TSPAN12: variants seen among roughly 807,000 people sequenced by gnomAD.
TSPAN12 encodes the protein tetraspanin 12, also known as tetraspanin-12.
In TSPAN12, 19 loss-of-function variants were observed where a neutral mutation model predicts 39.2. The ratio of observed to expected loss-of-function variants is 0.49; its 90% CI spans 0.34 to 0.71. The LOEUF is 0.71. TSPAN12 is among the 30% of genes least tolerant of loss of function. TSPAN12 has a pLI of 0.01. For missense variants in TSPAN12, 314 were observed against 359.9 expected, an observed-to-expected ratio of 0.87 and a Z score of 1.03; for synonymous variants, 119 against 124.8, an observed-to-expected ratio of 0.95 and a Z score of 0.31.
In TSPAN12 at chr7:120,820,177, T is replaced by C. The variant is rs146890457; in HGVS notation, c.286-4374A>G. Among the ~76,000 whole-genome samples, 840 of 152,260 alleles carry C rather than the reference T, an allele frequency of 5.5e-3. 2 individuals are homozygous for C. The highest frequency in any genetic ancestry group is 0.031 in the Middle Eastern group (9 of 294). ...CCCTCTCTTCTCCTAGTGGGTTTTC[T>C]TTCTGGAATGATGAAAAGTGCTCTG... is the stretch of plus-strand genomic sequence containing the variant. On this transcript the variant is annotated intron_variant, in intron 4 of 7. Coordinates refer to ENST00000222747, the MANE Select transcript of TSPAN12 (RefSeq NM_012338.4).
At chr7:120,853,351 C>T (rs1794805590) in intron 2 of TSPAN12, among the ~76,000 whole-genome samples, 1 of 151,468 alleles carries the variant, frequency 6.6e-6, no homozygotes, top group Non-Finnish European at 1.5e-5. Flanking sequence ...CTTGGCCTCC[C>T]AAAGTGCTTG....
rs1793736306 is a variant in TSPAN12 at position 120,800,080 on chromosome 7, G to T, written c.612+6469C>A. 1.3e-5 allele frequency among the ~76,000 whole-genome samples: 2 copies of T among 151,614 alleles called. 1 individual carries two copies. The highest frequency in any genetic ancestry group is 4.1e-4 in the South Asian group (2 of 4,826). ...AAAAAGTGTTGAGAACTAAAATATTGCCCAGAAAAAATAATATTGGTTATA... is the reference window on the plus strand; with the variant it reads ...AAAAAGTGTTGAGAACTAAAATATTTCCCAGAAAAAATAATATTGGTTATA... On this transcript the variant is annotated intron_variant, in intron 7 of 7. Transcript: ENST00000222747.
chr7:120,853,597 G>A (rs1017854402), intron 2 of TSPAN12, among the ~76,000 whole-genome samples: 25 of 149,352 alleles, frequency 1.7e-4, no homozygotes, highest in African/African-American at 3.2e-4. Flanking sequence ...ATTACAGGCC[G>A]GGCACAGTGG....
At chr7:120,807,793 C>A (rs1478263081) in intron 6 of TSPAN12, among the ~76,000 whole-genome samples, 1 of 151,924 alleles carries the variant, frequency 6.6e-6, no homozygotes, top group African/African-American at 2.4e-5. Context: ...AAAAAAAAAT[C>A]ATCTTAAGAG....
At chr7:120,796,483 G>A (rs1288774672) in intron 7 of TSPAN12, among the ~76,000 whole-genome samples, 1 of 152,126 alleles carries the variant, frequency 6.6e-6, no homozygotes, top group Non-Finnish European at 1.5e-5. Context: ...GGCTACCACT[G>A]TGGTAAGTGG....
chr7:120,837,633 A>G (rs888183394), intron 4 of TSPAN12, among the ~76,000 whole-genome samples: 1 of 152,070 alleles, frequency 6.6e-6, no homozygotes, highest in African/African-American at 2.4e-5. Context: ...TATTTTCTAT[A>G]GCATTTTGTG....
chr7:120,853,219 G>A (rs972327628), intron 2 of TSPAN12, among the ~76,000 whole-genome samples: 2 of 151,224 alleles, frequency 1.3e-5, no homozygotes, highest in African/African-American at 4.9e-5. Context: ...TCAGCCTCCT[G>A]AGCAGCTGGA....
intron 2 of TSPAN12, among the ~76,000 whole-genome samples, chr7:120,848,355 C>T (rs771721399): frequency 2.0e-5 from 3 of 152,128 alleles, no homozygotes; most frequent in Non-Finnish European, 2.9e-5. Flanking sequence ...CAGAAAAGTA[C>T]CAGGCTCAGT....
chr7:120,826,634 C>T (rs907283111), intron 4 of TSPAN12, among the ~76,000 whole-genome samples: 4 of 152,164 alleles, frequency 2.6e-5, no homozygotes, highest in African/African-American at 9.7e-5. Context: ...TGACCCTTAT[C>T]GTGCCTCTCC....
chr7:120,854,459 C>T (rs147865845), intron 2 of TSPAN12, among the ~76,000 whole-genome samples: 4 of 152,256 alleles, frequency 2.6e-5, no homozygotes, highest in Middle Eastern at 3.4e-3. Context: ...CTGTTCTCAG[C>T]GCTGTATATA....
chr7:120,793,756 T>C (rs897115042), intron 7 of TSPAN12, among the ~76,000 whole-genome samples: 3 of 152,236 alleles, frequency 2.0e-5, no homozygotes, highest in African/African-American at 7.2e-5. Flanking sequence ...TTGCAATATA[T>C]TAACTTATGC....
intron 4 of TSPAN12, among the ~76,000 whole-genome samples, chr7:120,823,070 T>G (rs555025088): frequency 6.6e-6 from 1 of 152,254 alleles, no homozygotes; most frequent in Non-Finnish European, 1.5e-5. Context: ...CTTTAAAAAT[T>G]TTCCTATGAA....
chr7:120,843,205 A>G lies in TSPAN12; in HGVS notation c.67-3096T>C, dbSNP rs143662530. 3.5e-3 allele frequency among the ~76,000 whole-genome samples: 530 copies of G among 152,280 alleles called. 4 individuals are homozygous for G. Among genetic ancestry groups the G allele is most frequent in the African/African-American group, 0.012 (502 of 41,534 alleles). On this transcript the variant is annotated intron_variant, in intron 2 of 7. Transcript: ENST00000222747. ...AGTGAACAGATTGTAAAACTCATAAAAGTTATAAGTGAGTCAGTCGCAGTG... is the reference window on the plus strand; with the variant it reads ...AGTGAACAGATTGTAAAACTCATAAGAGTTATAAGTGAGTCAGTCGCAGTG...
At chr7:120,796,328 C>T (rs1027234765) in intron 7 of TSPAN12, among the ~76,000 whole-genome samples, 6 of 152,292 alleles carry the variant, frequency 3.9e-5, no homozygotes, top group African/African-American at 9.6e-5. Flanking sequence ...GCAGCACAAA[C>T]GCACATAACC....
At chr7:120,819,026 C>T (rs181167191) in intron 4 of TSPAN12, among the ~76,000 whole-genome samples, 9 of 152,154 alleles carry the variant, frequency 5.9e-5, no homozygotes, top group Non-Finnish European at 1.0e-4. Context: ...GATCACTTTT[C>T]TAATCTTTGA....
rs116580404 is a variant in TSPAN12 at position 120,793,416 on chromosome 7, C to T, written c.613-4519G>A. ...TTGGTGTCCTTCCAGATCACTGGTCCCTTAAGATTATCTTCACACTCAGGT... is the reference window on the plus strand; with the variant it reads ...TTGGTGTCCTTCCAGATCACTGGTCTCTTAAGATTATCTTCACACTCAGGT... On this transcript the variant is annotated intron_variant, in intron 7 of 7. Transcript: ENST00000222747. 9.2e-3 allele frequency among the ~76,000 whole-genome samples: 1,398 copies of T among 152,250 alleles called. 25 individuals carry two copies. Among genetic ancestry groups the T allele is most frequent in the African/African-American group, 0.032 (1,319 of 41,532 alleles).
chr7:120,824,547 T>G (rs1246339662), intron 4 of TSPAN12, among the ~76,000 whole-genome samples: 1 of 152,214 alleles, frequency 6.6e-6, no homozygotes, highest in Non-Finnish European at 1.5e-5. Flanking sequence ...CCTAGAATTC[T>G]GTTATTGTCA....
rs184858637 is a variant in TSPAN12 at position 120,802,568 on chromosome 7, G to C, written c.612+3981C>G. Reference sequence around the variant, plus strand: ...CTAGAATATAAATTACATAGGAGAAGAGATTTTTGTCTGCAACACTCTCTA... The same window carrying C: ...CTAGAATATAAATTACATAGGAGAACAGATTTTTGTCTGCAACACTCTCTA... On this transcript the variant is annotated intron_variant, in intron 7 of 7. Coordinates refer to ENST00000222747, the MANE Select transcript of TSPAN12 (RefSeq NM_012338.4). 1.4e-3 allele frequency among the ~76,000 whole-genome samples: 207 copies of C among 152,176 alleles called. 2 individuals carry two copies. Among genetic ancestry groups the C allele is most frequent in the African/African-American group, 4.8e-3 (198 of 41,514 alleles).
At chr7:120,790,037 C>A (rs1411841994) in intron 7 of TSPAN12, among the ~76,000 whole-genome samples, 1 of 152,138 alleles carries the variant, frequency 6.6e-6, no homozygotes, top group Admixed American at 6.5e-5. Flanking sequence ...CTGTGTAAAT[C>A]AGACTCCGCC....
Sources: gnomAD v4.1 joint callset for allele counts (sites outside exome capture counted in the v4.1 genomes callset) on GRCh38, gnomAD v4.1.1 for gene constraint, MANE v1.5 for transcripts, NCBI Gene and HGNC (gene_info 2026-07-23, HGNC 2026-07-21) for gene names.